CUL7: variants seen among roughly 807,000 people sequenced by gnomAD.
CUL7 encodes cullin 7.
CUL7 carries 96 observed loss-of-function variants against 177.7 expected under a neutral mutation model. The observed-to-expected ratio is 0.54, with a 90% confidence interval of 0.46 to 0.64. CUL7 has a LOEUF of 0.64. CUL7 is among the 30% of genes least tolerant of loss of function. The pLI, the probability that CUL7 is intolerant of heterozygous loss-of-function variation, is 0.00. For missense variants in CUL7, 1,893 were observed against 2,187.9 expected (o/e 0.87, Z 2.69); for synonymous variants, 824 against 890.2 (o/e 0.93, Z 1.32).
chr6:43,041,284 T>G (rs958747322), intron 19 of CUL7, among the ~76,000 whole-genome samples: 1 of 152,208 alleles, frequency 6.6e-6, no homozygotes, highest in Admixed American at 6.5e-5. Flanking sequence ...ACATTGTGTC[T>G]AAAAAATCAA....
intron 16 of CUL7, 101 bp downstream of exon 16, chr6:43,044,651 G>A: frequency 6.7e-7 from 1 of 1,499,406 alleles, no homozygotes; most frequent in South Asian, 1.3e-5. Flanking sequence ...TGCCAAAAGG[G>A]CCAGGACATA....
Position 43,048,381 on chromosome 6 carries a change from T to C in CUL7, c.2014A>G (p.Ser672Gly), listed in dbSNP as rs147475487. The C allele has an allele frequency of 6.2e-7, 1 of 1,613,158 alleles. No individual in the cohort carries two copies. The highest frequency in any genetic ancestry group is 1.7e-5 in the Admixed American group (1 of 60,020). ...QPQPFLALMQ[S>G]LDTPETNRTL... The stretch of plus-strand genomic sequence containing the variant: ...CTGTTAGTCTCCGGAGTGTCCAGGC[T>C]CTGCATCAGTGCCAGGAAGGGCTGC... Residue 672 changes from serine (S) to glycine (G), a missense_variant, in exon 8 of 26, where the codon AGC (serine) becomes GGC (glycine). Coordinates refer to ENST00000265348, the MANE Select transcript of CUL7 (RefSeq NM_014780.5).
Position 43,051,477 on chromosome 6 carries a change from T to C in CUL7, c.733-9A>G. 6.2e-7 allele frequency: 1 copy of C among 1,614,054 alleles called. No homozygotes were observed. The highest frequency in any genetic ancestry group is 2.2e-5 in the East Asian group (1 of 44,882). Reference sequence around the variant, plus strand: ...AGCACCCTTCCTGGGACCTGTGGGATACAACCTTTGGCCTATATCCACCTT... The same window carrying C: ...AGCACCCTTCCTGGGACCTGTGGGACACAACCTTTGGCCTATATCCACCTT... On this transcript the variant is annotated splice_polypyrimidine_tract_variant and intron_variant, in intron 3 of 25. Transcript: ENST00000265348. The surrounding 1 kb of genome is among the most constrained non-coding windows in gnomAD (Gnocchi z 5.0).
Position 43,051,295 on chromosome 6 carries a change from G to T in CUL7, c.906C>A (p.Thr302=). ...LELEFSMAMG[T]LISELVQAMR... ...TGGCTTGCACCAGCTCCGAGATCAGGGTGCCCATGGCCATACTGAACTCCA... is the reference window on the plus strand; with the variant it reads ...TGGCTTGCACCAGCTCCGAGATCAGTGTGCCCATGGCCATACTGAACTCCA... The change falls in exon 4 of 26, where the codon ACC becomes ACA. Residue 302 remains threonine, a synonymous_variant. Transcript: ENST00000265348. This position sits in a 1 kb window ranked among gnomAD's most constrained non-coding sequence, Gnocchi z 5.0. 1 of 1,610,064 alleles carries T rather than the reference G, an allele frequency of 6.2e-7. No individual in the cohort carries two copies.
chr6:43,038,635 G>C lies in CUL7; in HGVS notation c.4498C>G (p.Gln1500Glu). Residue 1500 changes from glutamine to glutamate, a missense_variant, in exon 24 of 26, where the codon CAG becomes GAG. Transcript: ENST00000265348. ...FSGLSADMLN[Q>E]AIGPLTSSRG... ...GAAGAGGTGAGGGGCCCAATCGCCTGATTGAGCATGTCTGCGGAGAGCCCT... is the reference window on the plus strand; with the variant it reads ...GAAGAGGTGAGGGGCCCAATCGCCTCATTGAGCATGTCTGCGGAGAGCCCT... The C allele has an allele frequency of 6.2e-7, 1 of 1,614,048 alleles. No homozygotes were observed. The highest frequency in any genetic ancestry group is 8.5e-7 in the Non-Finnish European group (1 of 1,179,914).
In CUL7 at chr6:43,050,547, AATAC is replaced by A. The variant is rs1561893354; in HGVS notation, c.1234-153_1234-150del. On this transcript the variant is annotated intron_variant, in intron 4 of 25. Transcript: ENST00000265348. This position sits in a 1 kb window ranked among gnomAD's most constrained non-coding sequence, Gnocchi z 4.1. ...CATAACAAAACAGCAGCATATGGAG[AATAC>A]ACACACACACACACACACACACACA... 1 of 607,286 alleles carries A rather than the reference AATAC, an allele frequency of 1.6e-6. No homozygotes were observed. The highest frequency in any genetic ancestry group is 3.0e-5 in the East Asian group (1 of 33,114). 37.6% of individuals were successfully genotyped at this position (607,286 alleles called of 1,614,324 possible).
chr6:43,049,788 G>C, intron 6 of CUL7, 126 bp from the exon 7 acceptor site: 2 of 1,444,042 alleles, frequency 1.4e-6, no homozygotes, highest in South Asian at 2.4e-5. Flanking sequence ...ACAGCTGGCA[G>C]CTGGCTCCTC....
chr6:43,038,389 G>A lies in CUL7; in HGVS notation c.4651C>T (p.Gln1551Ter), dbSNP rs750900568. ...VRLIPPQTYL[Q>*]AEGEDGQNLE... The stretch of plus-strand genomic sequence containing the variant: ...TTCTGGCCGTCTTCACCCTCAGCTT[G>A]CAGGTACGTCTGAGGTGGGATGAGC... The change falls in exon 25 of 26, where the codon CAA becomes TAA. Residue 1551 changes from glutamine to a stop codon, truncating the protein, a stop_gained. Coordinates refer to ENST00000265348, the MANE Select transcript of CUL7 (RefSeq NM_014780.5). LOFTEE classifies it high-confidence loss of function. 1 of 1,614,150 alleles carries A rather than the reference G, an allele frequency of 6.2e-7. No individual in the cohort carries two copies. The highest frequency in any genetic ancestry group is 1.1e-5 in the South Asian group (1 of 91,080).
chr6:43,045,263 G>A lies in CUL7; in HGVS notation c.3002C>T (p.Ala1001Val). 9.3e-6 allele frequency: 15 copies of A among 1,614,138 alleles called. No homozygotes were observed. The highest frequency in any genetic ancestry group is 1.3e-5 in the Non-Finnish European group (15 of 1,180,022). The change falls in exon 15 of 26, where the codon GCA becomes GTA. Residue 1001 changes from alanine (A) to valine (V), a missense_variant. Coordinates refer to ENST00000265348, the MANE Select transcript of CUL7 (RefSeq NM_014780.5). This position sits in a 1 kb window ranked among gnomAD's most constrained non-coding sequence, Gnocchi z 4.8. The part of the protein sequence containing the change: ...VRAQAWSQDM[A>V]EDRRSLLHLS... The stretch of plus-strand genomic sequence containing the variant: ...GTGCAGGAGGCTCCTGCGGTCCTCT[G>A]CCATGTCCTGGCTCCAGGCCTGTGC...
At position 43,045,543 on chromosome 6, in the gene CUL7, C is replaced by T; in HGVS notation, c.2862+44G>A. On this transcript the variant is annotated intron_variant, in intron 14 of 25. Transcript: ENST00000265348. This position sits in a 1 kb window ranked among gnomAD's most constrained non-coding sequence, Gnocchi z 4.8. Reference sequence around the variant, plus strand: ...TTAAGATCTGCCTGTTTATGGGGCTCAGAGCCCCCTACCCAGGGCCACACC... The same window carrying T: ...TTAAGATCTGCCTGTTTATGGGGCTTAGAGCCCCCTACCCAGGGCCACACC... 6.2e-7 allele frequency: 1 copy of T among 1,613,546 alleles called. No individual in the cohort carries two copies. Among genetic ancestry groups the T allele is most frequent in the Non-Finnish European group, 8.5e-7 (1 of 1,179,636 alleles).
rs1764354013 is a variant in CUL7, at chr6:43,051,044, A to G, written c.1157T>C (p.Leu386Pro). The G allele has an allele frequency of 6.2e-7, 1 of 1,614,148 alleles. No homozygotes were observed. Among genetic ancestry groups the G allele is most frequent in the Non-Finnish European group, 8.5e-7 (1 of 1,179,984 alleles). Residue 386 changes from leucine (L) to proline (P), a missense_variant, in exon 4 of 26, where the codon CTG becomes CCG. Coordinates refer to ENST00000265348, the MANE Select transcript of CUL7 (RefSeq NM_014780.5). This position sits in a 1 kb window ranked among gnomAD's most constrained non-coding sequence, Gnocchi z 5.0. ...GGCACTGATCTCCTCATAATCATCC[A>G]GCATCCGCACTCGCATCCCCGGCTG... ...TLQPGMRVRM[L>P]DDYEEISAGD...
rs1333771762 is a variant in CUL7, at chr6:43,049,793, C to T, written c.1570-131G>A. Reference sequence around the variant, plus strand: ...TGATCCTCTCACAGCTGGCAGCTGGCTCCTCCCAAACAGCTCACCCTCCCA... The same window carrying T: ...TGATCCTCTCACAGCTGGCAGCTGGTTCCTCCCAAACAGCTCACCCTCCCA... On this transcript the variant is annotated intron_variant, in intron 6 of 25. Transcript: ENST00000265348. 1.1e-5 allele frequency: 16 copies of T among 1,424,884 alleles called. No individual in the cohort carries two copies. The Admixed American group carries it at 2.7e-4, about 24-fold the overall frequency. The allele number at this position is 1,424,884 out of a possible 1,614,324, so 88.3% of individuals were successfully genotyped here.
Position 43,038,443 on chromosome 6 carries a change from C to T in CUL7, c.4597G>A (p.Glu1533Lys). The T allele has an allele frequency of 6.2e-7, 1 of 1,614,222 alleles. No individual in the cohort carries two copies. The highest frequency in any genetic ancestry group is 8.5e-7 in the Non-Finnish European group (1 of 1,180,044). Residue 1533 changes from glutamate (E) to lysine (K), a missense_variant, in exon 25 of 26, where the codon GAA (glutamate) becomes AAA (lysine). Glu to Lys is a moderately conservative substitution (Grantham distance 56). Coordinates refer to ENST00000265348, the MANE Select transcript of CUL7 (RefSeq NM_014780.5). ...GVLKIRDGSK[E>K]PRSRWDIVRL... is the part of the protein sequence containing the mutation. ...ACAATGTCCCATCTCGACCTGGGTT[C>T]CTTGCTGCCATCTCGAATCTTGAGG...
At position 43,050,376 on chromosome 6, in the gene CUL7, C is replaced by A. The variant is rs780120073; in HGVS notation, c.1256G>T (p.Arg419Leu). ...CATGTGCCAGTGCACCCAATAGGTG[C>A]GGCCTGTTGACTCCCAAAATACCTG... ...PVQVFWESTG[R>L]TYWVHWHMLE... is the part of the protein sequence containing the mutation. Residue 419 changes from arginine (R) to leucine (L), a missense_variant, in exon 5 of 26, where the codon CGC becomes CTC. Transcript: ENST00000265348. This position sits in a 1 kb window ranked among gnomAD's most constrained non-coding sequence, Gnocchi z 4.1. 6.2e-7 allele frequency: 1 copy of A among 1,614,092 alleles called. No individual in the cohort carries two copies. The highest frequency in any genetic ancestry group is 1.1e-5 in the South Asian group (1 of 91,080).
At chr6:43,044,920 G>A (rs760663667) in intron 15 of CUL7, 35 bp from the exon 16 acceptor site, 3 of 1,606,516 alleles carry the variant, frequency 1.9e-6, no homozygotes, top group Middle Eastern at 1.7e-4. Context: ...GGTGTCAGGG[G>A]CTTGAAGCAT....
chr6:43,038,096 C>T, intron 25 of CUL7, 85 bp from the exon 26 acceptor site: 10 of 1,520,300 alleles, frequency 6.6e-6, no homozygotes, highest in Non-Finnish European at 8.9e-6. Flanking sequence ...CCACCAGCTG[C>T]TAGGACAGGA....
At position 43,052,051 on chromosome 6, in the gene CUL7, C is replaced by A; in HGVS notation, c.580+158G>T. On this transcript the variant is annotated intron_variant, in intron 2 of 25. Coordinates refer to ENST00000265348, the MANE Select transcript of CUL7 (RefSeq NM_014780.5). This position sits in a 1 kb window ranked among gnomAD's most constrained non-coding sequence, Gnocchi z 4.5. ...TTTTGGCAGATAACCCCCACCCTCA[C>A]TCCCATGCCCACCTCCTTTTCTTCC... 7.2e-7 allele frequency: 1 copy of A among 1,388,554 alleles called. No homozygotes were observed. The allele number at this position is 1,388,554 out of a possible 1,614,324, so 86.0% of individuals were successfully genotyped here.
chr6:43,048,678 T>A, intron 7 of CUL7, 109 bp from the exon 8 acceptor site: 1 of 790,820 alleles, frequency 1.3e-6, no homozygotes, highest in Non-Finnish European at 2.0e-6. Flanking sequence ...AAAAAATGTT[T>A]TAAATTTTTT....
Position 43,042,997 on chromosome 6 carries a change from G to T in CUL7, c.3463-13C>A, listed in dbSNP as rs371526639. The T allele has an allele frequency of 5.9e-5, 96 of 1,613,992 alleles. No individual in the cohort carries two copies. Among genetic ancestry groups the T allele is most frequent in the Non-Finnish European group, 7.4e-5 (87 of 1,180,016 alleles). ...GAAAATTGTTCACCTGGAAGGAAGG[G>T]GCAGGAGCATGAAGACACAACCCAA... On this transcript the variant is annotated splice_polypyrimidine_tract_variant and intron_variant, in intron 18 of 25. Transcript: ENST00000265348.
Sources: gnomAD v4.1 joint callset for allele counts (sites outside exome capture counted in the v4.1 genomes callset) on GRCh38, gnomAD v4.1.1 for gene constraint, Gnocchi (gnomAD v3.1) non-coding constraint, MANE v1.5 for transcripts, NCBI Gene and HGNC (gene_info 2026-07-23, HGNC 2026-07-21) for gene names.